Variants in PREX2 observed in about 807,000 individuals in gnomAD.
PREX2 encodes phosphatidylinositol-3,4,5-trisphosphate dependent Rac exchange factor 2.
A neutral mutation model predicts 203.2 loss-of-function variants in PREX2; 107 were observed. The ratio of observed to expected loss-of-function variants is 0.53; its 90% CI spans 0.45 to 0.62. The LOEUF (loss-of-function observed/expected upper bound fraction) is 0.62, where lower values mean the gene tolerates loss of function less well. PREX2 is among the 20% of genes least tolerant of loss of function. PREX2 has a pLI of 0.00. For synonymous variants in PREX2, 672 were observed against 663.6 expected (o/e 1.01, Z -0.19); for missense variants, 1,777 against 1,955.9 (o/e 0.91, Z 1.72).
At chr8:68,207,433 G>A (rs560343959) in intron 37 of PREX2, among the ~76,000 whole-genome samples, 1 of 152,206 alleles carries the variant, frequency 6.6e-6, no homozygotes, top group East Asian at 1.9e-4. Flanking sequence ...TAGGGGCATG[G>A]ATATAATATC....
At position 67,976,530 on chromosome 8, in the gene PREX2, A is replaced by ACGG. The variant is rs1563480007; in HGVS notation, c.141+23995_141+23996insCGG. On this transcript the variant is annotated intron_variant, in intron 1 of 39. Transcript: ENST00000288368. Reference sequence around the variant, plus strand: ...GGGACAGACAGAGACAGAGACAGAGAGAGAGAGACGGGAGAGAGACAGAGA... The same window carrying ACGG: ...GGGACAGACAGAGACAGAGACAGAGACGGGAGAGAGACGGGAGAGAGACAGAGA... 2.3e-5 allele frequency among the ~76,000 whole-genome samples: 3 copies of ACGG among 128,936 alleles called. 1 individual carries two copies. The highest frequency in any genetic ancestry group is 1.6e-4 in the Admixed American group (2 of 12,864). The allele number at this position is 128,936 out of a possible 152,430, so 84.6% of individuals were successfully genotyped here.
intron 9 of PREX2, among the ~76,000 whole-genome samples, chr8:68,054,419 C>T (rs11995241): frequency 0.11 from 16,892 of 150,972 alleles, 1,021 homozygotes; most frequent in Middle Eastern, 0.13. Context: ...TTCTCTAAAA[C>T]TGCTTATGAT....
intron 37 of PREX2, among the ~76,000 whole-genome samples, chr8:68,199,775 C>T (rs34239610): frequency 0.019 from 2,870 of 152,258 alleles, 42 homozygotes; most frequent in Middle Eastern, 0.041. Flanking sequence ...TAATACTTTA[C>T]TCTGTCATTA....
At chr8:67,970,547 A>G (rs1304296521) in intron 1 of PREX2, among the ~76,000 whole-genome samples, 3 of 152,184 alleles carry the variant, frequency 2.0e-5, no homozygotes, top group Non-Finnish European at 4.4e-5. Context: ...AACCTCCTAC[A>G]GAGATTCTGT....
At chr8:68,007,860 C>T (rs1286120461) in intron 1 of PREX2, among the ~76,000 whole-genome samples, 1 of 152,190 alleles carries the variant, frequency 6.6e-6, no homozygotes, top group South Asian at 2.1e-4. Flanking sequence ...CCGCCCACCT[C>T]GGCCTCCCAA....
At position 68,236,570 on chromosome 8, in the gene PREX2, T is replaced by G. The variant is rs2129615795; in HGVS notation, c.*5192T>G. The G allele has an allele frequency of 6.6e-6, 1 of 152,278 alleles. No individual in the cohort carries two copies. Among genetic ancestry groups the G allele is most frequent in the African/African-American group, 2.4e-5 (1 of 41,564 alleles). The allele number at this position is 152,278 out of a possible 1,614,324, so 9.4% of individuals were successfully genotyped here. Reference sequence around the variant, plus strand: ...TAAATTGGTAAGACGCTTTAGAAAATATGCATTTGAATTTGAATATCTAAT... The same window carrying G: ...TAAATTGGTAAGACGCTTTAGAAAAGATGCATTTGAATTTGAATATCTAAT... On this transcript the variant is annotated 3_prime_UTR_variant, in exon 40 of 40. Transcript: ENST00000288368.
In PREX2 at chr8:68,102,811, G is replaced by C. The variant is rs140571778; in HGVS notation, c.2715+2968G>C. ...GCAATTATAATAGATTTCCTGGCTG[G>C]TTGTACAGGCCACAGATGTTTTTTG... On this transcript the variant is annotated intron_variant, in intron 23 of 39. Coordinates refer to ENST00000288368, the MANE Select transcript of PREX2 (RefSeq NM_024870.4). The C allele has an allele frequency of 1.4e-3, 739 of 518,116 alleles. 5 individuals carry two copies. Among genetic ancestry groups the C allele is most frequent in the African/African-American group, 0.013 (695 of 52,004 alleles). The allele number at this position is 518,116 out of a possible 1,614,324, so 32.1% of individuals were successfully genotyped here. A position where few individuals can be genotyped will look rare whatever the true frequency, so the allele number is the denominator to read the frequency against.
In PREX2 at chr8:68,120,296, G is replaced by C; in HGVS notation, c.3595+10G>C. 1 of 1,604,636 alleles carries C rather than the reference G, an allele frequency of 6.2e-7. No individual in the cohort carries two copies. Among genetic ancestry groups the C allele is most frequent in the East Asian group, 2.2e-5 (1 of 44,780 alleles). ...GGCCGAGGATTGCAAGGTAAGCCTTGAAAAATTAACTAGTAGAAGCAATTG... is the reference window on the plus strand; with the variant it reads ...GGCCGAGGATTGCAAGGTAAGCCTTCAAAAATTAACTAGTAGAAGCAATTG... On this transcript the variant is annotated intron_variant, in intron 29 of 39. Transcript: ENST00000288368.
chr8:68,064,877 C>T (rs1351367472), intron 11 of PREX2, among the ~76,000 whole-genome samples: 2 of 152,244 alleles, frequency 1.3e-5, no homozygotes. Flanking sequence ...ATTTATACAA[C>T]AGAAATGGGC....
At chr8:68,110,588 T>C (rs955502477) in intron 25 of PREX2, among the ~76,000 whole-genome samples, 2 of 152,106 alleles carry the variant, frequency 1.3e-5, no homozygotes, top group Non-Finnish European at 2.9e-5. Flanking sequence ...TTTAAATGGC[T>C]ACGGATGTGA....
At chr8:67,989,237 A>T (rs1450457485) in intron 1 of PREX2, among the ~76,000 whole-genome samples, 1 of 152,226 alleles carries the variant, frequency 6.6e-6, no homozygotes, top group Non-Finnish European at 1.5e-5. Flanking sequence ...TACAAAAGAC[A>T]TTATAATTTA....
chr8:68,132,989 A>G (rs1018300948), intron 31 of PREX2, among the ~76,000 whole-genome samples: 1 of 152,116 alleles, frequency 6.6e-6, no homozygotes, highest in Non-Finnish European at 1.5e-5. Flanking sequence ...CTATTTTCTC[A>G]CTGCTATAAA....
chr8:68,228,336 A>G (rs1001583869), intron 39 of PREX2, among the ~76,000 whole-genome samples: 2 of 152,160 alleles, frequency 1.3e-5, no homozygotes, highest in Admixed American at 6.5e-5. Flanking sequence ...AAAGTGAAAA[A>G]AATTGGCCGA....
chr8:67,952,273 T>A lies in PREX2; in HGVS notation c.-122T>A. The A allele has an allele frequency of 1.3e-6, 1 of 786,958 alleles. No homozygotes were observed. Among genetic ancestry groups the A allele is most frequent in the Non-Finnish European group, 1.7e-6 (1 of 572,630 alleles). 48.7% of individuals were successfully genotyped at this position (786,958 alleles called of 1,614,324 possible). A position where few individuals can be genotyped will look rare whatever the true frequency, so the allele number is the denominator to read the frequency against. ...TCCCCAGCATGTAAAGTCTTCTGTC[T>A]CTCCTCGGAGTTGGCGGAGGCGGCA... On this transcript the variant is annotated 5_prime_UTR_variant, in exon 1 of 40. Transcript: ENST00000288368.
rs1285691019 is a variant in PREX2 at position 68,120,962 on chromosome 8, A to C, written c.3637A>C (p.Arg1213=). 1.1e-5 allele frequency: 17 copies of C among 1,613,476 alleles called. No homozygotes were observed. Among genetic ancestry groups the C allele is most frequent in the Admixed American group, 1.7e-5 (1 of 59,968 alleles). Residue 1213 remains arginine, a synonymous_variant, in exon 30 of 40, where the codon AGG becomes CGG. Coordinates refer to ENST00000288368, the MANE Select transcript of PREX2 (RefSeq NM_024870.4). ...GGAACCAAAGCTGAGTTGTCCAAAAAGGCTACGGCTTCATATCAAGCAAGA... is the reference window on the plus strand; with the variant it reads ...GGAACCAAAGCTGAGTTGTCCAAAACGGCTACGGCTTCATATCAAGCAAGA... ...EMEPKLSCPK[R]LRLHIKQDPW...
At chr8:68,080,382 A>G (rs1197267919) in intron 15 of PREX2, 61 bp from the exon 16 acceptor site, 20 of 1,485,708 alleles carry the variant, frequency 1.3e-5, no homozygotes, top group South Asian at 4.6e-5. Flanking sequence ...TGTCACTGCT[A>G]TTGAAAATGA....
At chr8:68,231,127 A>G (rs1462855556) in intron 39 of PREX2, among the ~76,000 whole-genome samples, 1 of 152,216 alleles carries the variant, frequency 6.6e-6, no homozygotes, top group Non-Finnish European at 1.5e-5. Flanking sequence ...CCATCAAGCT[A>G]TGCAGAGGGG....
chr8:67,993,459 T>C (rs1806670790), intron 1 of PREX2, among the ~76,000 whole-genome samples: 1 of 149,716 alleles, frequency 6.7e-6, no homozygotes, highest in African/African-American at 2.5e-5. Context: ...CAGACTGGAG[T>C]ACAGTGGTGT....
chr8:68,007,766 C>T (rs773995709), intron 1 of PREX2, among the ~76,000 whole-genome samples: 2 of 152,116 alleles, frequency 1.3e-5, no homozygotes, highest in Non-Finnish European at 2.9e-5. Context: ...CCCGCCACCA[C>T]GCCTGGCTCA....
Sources: allele counts gnomAD v4.1 joint callset (sites outside exome capture counted in the v4.1 genomes callset), GRCh38; gene constraint gnomAD v4.1.1; transcripts MANE v1.5; gene names NCBI Gene and HGNC (gene_info 2026-07-23, HGNC 2026-07-21).